Variants in BANP observed in about 807,000 individuals in gnomAD.
BANP encodes the protein protein BANP.
Under a neutral mutation model 68.1 loss-of-function variants are expected in BANP, and 11 were observed. That is an observed-to-expected ratio of 0.16 (90% CI 0.10 to 0.27). The LOEUF is 0.27. Ranked by LOEUF, BANP falls within the 10% of genes least tolerant of loss-of-function variation. The pLI, the probability that BANP is intolerant of heterozygous loss-of-function variation, is 1.00. For synonymous variants in BANP, 329 were observed against 303.2 expected (o/e 1.09, Z -0.88); for missense variants, 504 against 722.7 (o/e 0.70, Z 3.47).
At chr16:88,074,258 A>G (rs559248781) in intron 13 of BANP, among the ~76,000 whole-genome samples, 4 of 152,340 alleles carry the variant, frequency 2.6e-5, no homozygotes, top group Admixed American at 6.5e-5. Context: ...TGCATGGGTC[A>G]GAGCAGGGTC....
At chr16:88,072,762 A>G (rs927766137) in intron 13 of BANP, among the ~76,000 whole-genome samples, 1 of 152,240 alleles carries the variant, frequency 6.6e-6, no homozygotes, top group African/African-American at 2.4e-5. Flanking sequence ...AGGCCCAGAC[A>G]AGAGCCCCGT....
At chr16:87,987,569 TAA>T (rs944256186) in intron 4 of BANP, among the ~76,000 whole-genome samples, 1 of 149,942 alleles carries the variant, frequency 6.7e-6, no homozygotes, top group East Asian at 1.9e-4. Flanking sequence ...CACAAAAAAA[TAA>T]AAAAAATTAG....
Position 88,049,356 on chromosome 16 carries a change from C to T in BANP, c.1311+11345C>T, listed in dbSNP as rs538963176. On this transcript the variant is annotated intron_variant, in intron 11 of 13. Coordinates refer to ENST00000682872, the MANE Select transcript of BANP (RefSeq NM_001386991.1). ...AGGCTACGGGTGTGGAGACACATCCCGGCGAGGTACGGGGGAAGGGGCACA... is the reference window on the plus strand; with the variant it reads ...AGGCTACGGGTGTGGAGACACATCCTGGCGAGGTACGGGGGAAGGGGCACA... Among the ~76,000 whole-genome samples the T allele has an allele frequency of 2.6e-5, 4 of 152,288 alleles. No homozygotes were observed. The South Asian group carries it at 6.2e-4, about 24-fold the overall frequency.
chr16:87,949,878 T>TC (rs893316043), upstream of BANP: 8 of 150,504 alleles, frequency 5.3e-5, no homozygotes, highest in African/African-American at 1.7e-4. Flanking sequence ...TTTCTTTCTT[T>TC]TTTTTTTTTT....
intron 8 of BANP, among the ~76,000 whole-genome samples, chr16:88,029,377 A>G (rs1319140500): frequency 4.6e-5 from 7 of 150,840 alleles, no homozygotes; most frequent in Admixed American, 3.3e-4. Context: ...TGGGAGGCCA[A>G]GGCGGGCAGA....
chr16:88,037,951 C>T (rs763578662), intron 10 of BANP, 22 bp from the exon 11 acceptor site: 1 of 1,612,574 alleles, frequency 6.2e-7, no homozygotes, highest in Admixed American at 1.7e-5. Context: ...TCATGACCGT[C>T]TCCTCCTCTC....
intron 9 of BANP, 84 bp downstream of exon 9, chr16:88,033,329 C>T (rs538737294): frequency 2.6e-5 from 36 of 1,362,488 alleles, no homozygotes; most frequent in Non-Finnish European, 3.2e-5. Context: ...CCACCGGTTC[C>T]GCTGTGTTTT....
chr16:88,073,086 G>T (rs1320183575), intron 13 of BANP, among the ~76,000 whole-genome samples: 1 of 152,222 alleles, frequency 6.6e-6, no homozygotes, highest in East Asian at 1.9e-4. Context: ...CTGCTCCCCG[G>T]GCACTGCTGA....
intron 12 of BANP, among the ~76,000 whole-genome samples, chr16:88,070,090 A>C (rs1395535274): frequency 4.6e-5 from 7 of 152,140 alleles, no homozygotes; most frequent in Non-Finnish European, 4.4e-5. Flanking sequence ...TGCCTTTCTG[A>C]ATACCACGTT....
At chr16:88,067,681 G>T (rs1034094535) in intron 12 of BANP, among the ~76,000 whole-genome samples, 4 of 151,980 alleles carry the variant, frequency 2.6e-5, no homozygotes, top group Non-Finnish European at 4.4e-5. Flanking sequence ...GCACCCCACG[G>T]CGCTCACCCT....
At chr16:88,023,758 A>G (rs1193765231) in intron 7 of BANP, among the ~76,000 whole-genome samples, 2 of 152,180 alleles carry the variant, frequency 1.3e-5, no homozygotes, top group Non-Finnish European at 2.9e-5. Context: ...GGGTTCTGGA[A>G]AGTGGGAAGG....
At position 88,035,406 on chromosome 16, in the gene BANP, C is replaced by G. The variant is rs377177422; in HGVS notation, c.1272+12C>G. ...CGCAGGACAGCGAGGTGAGTCAGCT[C>G]TCGCTGCAGCACTGTCCCTGCAGGC... is the stretch of plus-strand genomic sequence containing the variant. On this transcript the variant is annotated intron_variant, in intron 10 of 13. Coordinates refer to ENST00000682872, the MANE Select transcript of BANP (RefSeq NM_001386991.1). 264 of 1,600,176 alleles carry G rather than the reference C, an allele frequency of 1.6e-4. No homozygotes were observed. The highest frequency in any genetic ancestry group is 2.0e-4 in the Non-Finnish European group (238 of 1,173,670).
At chr16:88,053,930 C>CCAT (rs565894758) in intron 11 of BANP, among the ~76,000 whole-genome samples, 2 of 93,050 alleles carry the variant, frequency 2.1e-5, no homozygotes, top group East Asian at 2.5e-4. Context: ...ACTGTCATCT[C>CCAT]CATCATCATC....
At chr16:88,034,248 A>T (rs985665350) in intron 9 of BANP, among the ~76,000 whole-genome samples, 12 of 152,240 alleles carry the variant, frequency 7.9e-5, no homozygotes, top group Non-Finnish European at 1.6e-4. Context: ...TTTGTTTGAC[A>T]TTCACAACGG....
rs773972066 is a variant in BANP at position 88,003,484 on chromosome 16, T to C, written c.363-811T>C. 2.2e-6 allele frequency: 1 copy of C among 456,322 alleles called. No homozygotes were observed. The highest frequency in any genetic ancestry group is 6.9e-5 in the East Asian group (1 of 14,396). 28.3% of individuals were successfully genotyped at this position (456,322 alleles called of 1,614,324 possible). ...GTGCTAGTTCTTTCTCTCCCCAGCC[T>C]TCCACAACAAAGCGGACCTTAGATA... On this transcript the variant is annotated intron_variant, in intron 4 of 13. Transcript: ENST00000682872. This position sits in a 1 kb window ranked among gnomAD's most constrained non-coding sequence, Gnocchi z 6.1.
rs2063166963 is a variant in BANP, at chr16:87,981,076, T to G, written c.111T>G (p.Pro37=). Residue 37 remains proline (P), a synonymous_variant, in exon 3 of 14, where the codon CCT becomes CCG. Transcript: ENST00000682872. ...ENHVVTDEDE[P]ALKRQRLEIN... ...ATGTAGTGACAGATGAAGACGAACCTGCTTTGAAACGCCAGCGACTAGAAA... is the reference window on the plus strand; with the variant it reads ...ATGTAGTGACAGATGAAGACGAACCGGCTTTGAAACGCCAGCGACTAGAAA... The G allele has an allele frequency of 6.2e-7, 1 of 1,614,030 alleles. No individual in the cohort carries two copies.
chr16:88,044,898 C>G (rs2081616499), intron 11 of BANP, among the ~76,000 whole-genome samples: 1 of 152,112 alleles, frequency 6.6e-6, no homozygotes, highest in Non-Finnish European at 1.5e-5. Context: ...AGGAGAATGG[C>G]TTGAACCCTG....
In BANP at chr16:88,071,786, T is replaced by G; in HGVS notation, c.1378-283T>G. 4 of 650,672 alleles carry G rather than the reference T, an allele frequency of 6.1e-6. No individual in the cohort carries two copies. Among genetic ancestry groups the G allele is most frequent in the East Asian group, 3.0e-5 (1 of 33,302 alleles). The allele number at this position is 650,672 out of a possible 1,614,324, so 40.3% of individuals were successfully genotyped here. On this transcript the variant is annotated intron_variant, in intron 12 of 13. Transcript: ENST00000682872. This position sits in a 1 kb window ranked among gnomAD's most constrained non-coding sequence, Gnocchi z 6.5. ...CTCTTTTTCTGTGGAAGCTCTGCCT[T>G]GCTTTTTTTTTTTTCCCTTTTTTCT...
intron 6 of BANP, among the ~76,000 whole-genome samples, chr16:88,009,293 C>T (rs1012116882): frequency 2.0e-5 from 3 of 152,068 alleles, no homozygotes; most frequent in African/African-American, 7.3e-5. Flanking sequence ...AGGGGGTGTG[C>T]TTGTCTTTCT....
Sources: allele counts gnomAD v4.1 joint callset (sites outside exome capture counted in the v4.1 genomes callset), GRCh38; gene constraint gnomAD v4.1.1; non-coding constraint Gnocchi (gnomAD v3.1); transcripts MANE v1.5; gene names NCBI Gene and HGNC (gene_info 2026-07-23, HGNC 2026-07-21).